Variants in ATP9B observed in about 807,000 individuals in gnomAD.
ATP9B encodes probable phospholipid-transporting ATPase IIB.
A neutral mutation model predicts 146.1 loss-of-function variants in ATP9B; 110 were observed. That is an observed-to-expected ratio of 0.75 (90% CI 0.65 to 0.88). The LOEUF is 0.88. ATP9B is among the 40% of genes least tolerant of loss of function. ATP9B has a pLI of 0.00. For synonymous variants in ATP9B, 604 were observed against 569.7 expected, an observed-to-expected ratio of 1.06 and a Z score of -0.86; for missense variants, 1,499 against 1,496.4, an observed-to-expected ratio of 1.00 and a Z score of -0.03.
At chr18:79,366,964 C>T (rs986152407) in intron 26 of ATP9B, among the ~76,000 whole-genome samples, 3 of 152,260 alleles carry the variant, frequency 2.0e-5, no homozygotes, top group African/African-American at 7.2e-5. Context: ...GCAACCTAGA[C>T]AGCAGCATGA....
intron 8 of ATP9B, among the ~76,000 whole-genome samples, chr18:79,181,896 T>C (rs917890061): frequency 1.3e-5 from 2 of 152,238 alleles, no homozygotes; most frequent in African/African-American, 4.8e-5. Context: ...GGTATGTTTC[T>C]ATTTAAATTT....
intron 11 of ATP9B, among the ~76,000 whole-genome samples, chr18:79,231,778 G>GTGTA (rs1224214557): frequency 8.2e-6 from 1 of 121,296 alleles, no homozygotes. Flanking sequence ...GTGTGTGTGT[G>GTGTA]TATATATATA....
chr18:79,274,527 A>T (rs2096286757), intron 12 of ATP9B, among the ~76,000 whole-genome samples: 1 of 152,100 alleles, frequency 6.6e-6, no homozygotes, highest in African/African-American at 2.4e-5. Flanking sequence ...GTAGTATTAC[A>T]TACTCCCTAT....
rs757036224 is a variant in ATP9B, at chr18:79,303,732, C to T, written c.1524+16C>T. On this transcript the variant is annotated intron_variant, in intron 14 of 29. Coordinates refer to ENST00000426216, the MANE Select transcript of ATP9B (RefSeq NM_198531.5). Reference sequence around the variant, plus strand: ...CTACTCACAGGTAAGTGGGTTCCTCCTGCACGGGGTCTGCTTCCACACACA... The same window carrying T: ...CTACTCACAGGTAAGTGGGTTCCTCTTGCACGGGGTCTGCTTCCACACACA... 6 of 1,594,966 alleles carry T rather than the reference C, an allele frequency of 3.8e-6. No homozygotes were observed. The African/African-American group carries it at 8.1e-5, about 21-fold the overall frequency.
intron 4 of ATP9B, among the ~76,000 whole-genome samples, chr18:79,120,382 C>T (rs1306858522): frequency 1.3e-5 from 2 of 152,186 alleles, no homozygotes; most frequent in South Asian, 2.1e-4. Flanking sequence ...TTCAAACTTA[C>T]TCCCTCTGTT....
chr18:79,084,683 G>T (rs1184118423), intron 1 of ATP9B, among the ~76,000 whole-genome samples: 1 of 152,170 alleles, frequency 6.6e-6, no homozygotes, highest in Non-Finnish European at 1.5e-5. Context: ...CGCTTTGTGA[G>T]CATTGAAAGC....
chr18:79,206,317 C>T (rs1392456532), intron 9 of ATP9B, among the ~76,000 whole-genome samples: 2 of 152,138 alleles, frequency 1.3e-5, no homozygotes, highest in African/African-American at 4.8e-5. Flanking sequence ...ACAATATTCA[C>T]AGAAGCATTT....
rs547325732 is a variant in ATP9B, at chr18:79,106,470, CTGTATAGTGGT to C, written c.294-3883_294-3873del. 4.6e-5 allele frequency among the ~76,000 whole-genome samples: 7 copies of C among 152,306 alleles called. No homozygotes were observed. The South Asian group carries it at 1.4e-3, about 32-fold the overall frequency. On this transcript the variant is annotated intron_variant, in intron 2 of 29. Coordinates refer to ENST00000426216, the MANE Select transcript of ATP9B (RefSeq NM_198531.5). The stretch of plus-strand genomic sequence containing the variant: ...CTAGCATGGAAGTCGCCTGACTCCC[CTGTATAGTGGT>C]TTCTGGCTGCATGATCCAGGGGCAG...
chr18:79,346,585 ACAGT>A (rs1432502434), intron 23 of ATP9B, among the ~76,000 whole-genome samples: 1 of 115,270 alleles, frequency 8.7e-6, no homozygotes, highest in Admixed American at 9.2e-5. Flanking sequence ...TGCTCAGCGC[ACAGT>A]CAGCACACAT....
At chr18:79,221,325 C>T (rs747196931) in intron 11 of ATP9B, among the ~76,000 whole-genome samples, 2 of 152,170 alleles carry the variant, frequency 1.3e-5, no homozygotes, top group African/African-American at 2.4e-5. Context: ...CCTGGAAGAG[C>T]GCCAGCCTCC....
intron 15 of ATP9B, among the ~76,000 whole-genome samples, chr18:79,321,664 T>C (rs2096716998): frequency 6.6e-6 from 1 of 152,258 alleles, no homozygotes; most frequent in Non-Finnish European, 1.5e-5. Context: ...GTTGGCATTA[T>C]ATAGAGTTAA....
chr18:79,085,641 A>G (rs1474890183), intron 1 of ATP9B: 2 of 152,242 alleles, frequency 1.3e-5, no homozygotes, highest in Non-Finnish European at 2.9e-5. Context: ...TAGTGGTGTC[A>G]TTCAACTTAT....
intron 6 of ATP9B, among the ~76,000 whole-genome samples, chr18:79,154,169 G>C (rs1599959621): frequency 2.0e-5 from 3 of 151,130 alleles, no homozygotes; most frequent in Admixed American, 2.0e-4. Flanking sequence ...CACCATGTCA[G>C]CCAGAATGGT....
chr18:79,192,129 T>C (rs2095372552), intron 8 of ATP9B, among the ~76,000 whole-genome samples: 1 of 152,180 alleles, frequency 6.6e-6, no homozygotes. Flanking sequence ...CGGCCCCTTC[T>C]GAGGCACTCT....
At position 79,372,867 on chromosome 18, in the gene ATP9B, A is replaced by G. The variant is rs1458382882; in HGVS notation, c.3055A>G (p.Ile1019Val). 4.3e-6 allele frequency: 7 copies of G among 1,610,150 alleles called. No individual in the cohort carries two copies. Among genetic ancestry groups the G allele is most frequent in the East Asian group, 2.2e-5 (1 of 44,888 alleles). Residue 1019 changes from isoleucine to valine, a missense_variant, in exon 27 of 30, where the codon ATA (isoleucine) becomes GTA (valine). Ile to Val is a conservative substitution (Grantham distance 29, BLOSUM62 3). Transcript: ENST00000426216. ...CAAAACCTTCCTCATCTGGGTTTTA[A>G]TAAGTATTTACCAAGGTAAGACGAG... ...SFKTFLIWVL[I>V]SIYQGGILMY...
intron 11 of ATP9B, among the ~76,000 whole-genome samples, chr18:79,215,111 G>C (rs1485294847): frequency 1.4e-5 from 2 of 140,848 alleles, no homozygotes; most frequent in Non-Finnish European, 3.0e-5. Context: ...TCGCACCATT[G>C]CACTCCAGCC....
rs570411327 is a variant in ATP9B at position 79,234,648 on chromosome 18, G to A, written c.1108-18733G>A. Among the ~76,000 whole-genome samples the A allele has an allele frequency of 8.2e-5, 12 of 147,190 alleles. No individual in the cohort carries two copies. The South Asian group carries it at 8.5e-4, about 10-fold the overall frequency. On this transcript the variant is annotated intron_variant, in intron 11 of 29. Coordinates refer to ENST00000426216, the MANE Select transcript of ATP9B (RefSeq NM_198531.5). ...TTGCTGTGGGTGTGCTGCTGTGGGC[G>A]TGCTTCGTGTGGGTGTGCTCCTGTG...
rs142820659 is a variant in ATP9B, at chr18:79,181,406, T to A, written c.873+4499T>A. 3.4e-3 allele frequency among the ~76,000 whole-genome samples: 516 copies of A among 152,332 alleles called. 3 individuals are homozygous for A. Among genetic ancestry groups the A allele is most frequent in the African/African-American group, 0.012 (492 of 41,578 alleles). On this transcript the variant is annotated intron_variant, in intron 8 of 29. Transcript: ENST00000426216. ...TTATCCAGTTTCAAGATTTTCAGCCTTTATTTTTCTTATCTTTCCTTCTGT... is the reference window on the plus strand; with the variant it reads ...TTATCCAGTTTCAAGATTTTCAGCCATTATTTTTCTTATCTTTCCTTCTGT...
chr18:79,363,152 T>G (rs1268513129), intron 26 of ATP9B: 2 of 152,242 alleles, frequency 1.3e-5, no homozygotes, highest in Non-Finnish European at 2.9e-5. Context: ...AGTTTCAGGA[T>G]ACAAGGAATA....
Sources: allele counts gnomAD v4.1 joint callset (sites outside exome capture counted in the v4.1 genomes callset), GRCh38; gene constraint gnomAD v4.1.1; transcripts MANE v1.5; gene names NCBI Gene and HGNC (gene_info 2026-07-23, HGNC 2026-07-21).